Variants in ARHGAP12 observed in about 807,000 individuals in gnomAD.
The protein encoded by ARHGAP12 is Rho GTPase activating protein 12, also known as rho GTPase-activating protein 12.
A neutral mutation model predicts 108.6 loss-of-function variants in ARHGAP12; 64 were observed. The ratio of observed to expected loss-of-function variants is 0.59; its 90% CI spans 0.48 to 0.73. The LOEUF (loss-of-function observed/expected upper bound fraction) is 0.73. Among genes scored for constraint, ARHGAP12 ranks in the 30% least tolerant of loss-of-function variants. The pLI is 0.00. For missense variants in ARHGAP12, 940 were observed against 1,005.9 expected, an observed-to-expected ratio of 0.93 and a Z score of 0.89; for synonymous variants, 312 against 337.2, an observed-to-expected ratio of 0.93 and a Z score of 0.82.
At chr10:31,901,264 G>T (rs1371066095) in intron 3 of ARHGAP12, among the ~76,000 whole-genome samples, 1 of 151,474 alleles carries the variant, frequency 6.6e-6, no homozygotes, top group Admixed American at 6.6e-5. Context: ...GGACTCAGTG[G>T]TTCATGCCTG....
intron 11 of ARHGAP12, among the ~76,000 whole-genome samples, chr10:31,821,428 T>C (rs959741324): frequency 3.9e-5 from 6 of 152,174 alleles, no homozygotes; most frequent in African/African-American, 1.2e-4. Context: ...TATTGAAAAG[T>C]TTAAAGGTTT....
intron 10 of ARHGAP12, 74 bp downstream of exon 10, chr10:31,831,665 A>T: frequency 9.8e-7 from 1 of 1,024,306 alleles, no homozygotes; most frequent in Non-Finnish European, 1.4e-6. Flanking sequence ...TGTTTATACT[A>T]AAATAATTAT....
chr10:31,915,559 T>C (rs1839519972), intron 1 of ARHGAP12, among the ~76,000 whole-genome samples: 1 of 152,166 alleles, frequency 6.6e-6, no homozygotes, highest in Admixed American at 6.6e-5. Context: ...CAATATACTG[T>C]ATTCTTGAAA....
intron 3 of ARHGAP12, among the ~76,000 whole-genome samples, chr10:31,894,904 C>T (rs367625481): frequency 1.3e-5 from 2 of 152,222 alleles, no homozygotes; most frequent in East Asian, 3.9e-4. Flanking sequence ...AACAGAGATA[C>T]AGACCAATGG....
chr10:31,822,041 G>A (rs1835435954), intron 11 of ARHGAP12, among the ~76,000 whole-genome samples: 1 of 151,152 alleles, frequency 6.6e-6, no homozygotes, highest in South Asian at 2.1e-4. Flanking sequence ...ATAAGATATA[G>A]CAATTAAATA....
chr10:31,826,711 C>T (rs1592259166), intron 10 of ARHGAP12: 1 of 209,420 alleles, frequency 4.8e-6, no homozygotes, highest in Non-Finnish European at 9.4e-6. Flanking sequence ...TAAAGTCACA[C>T]AAGTGGAATA....
intron 11 of ARHGAP12, among the ~76,000 whole-genome samples, chr10:31,823,590 A>G (rs1239080902): frequency 6.6e-6 from 1 of 152,064 alleles, no homozygotes; most frequent in Non-Finnish European, 1.5e-5. Flanking sequence ...TGGAGTGAGT[A>G]GAAGATTTGA....
intron 3 of ARHGAP12, among the ~76,000 whole-genome samples, chr10:31,874,698 G>C (rs1837659180): frequency 6.6e-6 from 1 of 152,004 alleles, no homozygotes; most frequent in African/African-American, 2.4e-5. Context: ...TTCAGTCCAG[G>C]TGCAGTGGCT....
chr10:31,910,084 G>C (rs570099660), intron 2 of ARHGAP12, among the ~76,000 whole-genome samples: 1 of 152,032 alleles, frequency 6.6e-6, no homozygotes, highest in Non-Finnish European at 1.5e-5. Context: ...GGAGCCTTCC[G>C]AGGGAGCACG....
At chr10:31,809,867 C>A (rs1564362945) in intron 16 of ARHGAP12, among the ~76,000 whole-genome samples, 1 of 151,546 alleles carries the variant, frequency 6.6e-6, no homozygotes, top group Non-Finnish European at 1.5e-5. Flanking sequence ...ACAATTAAGC[C>A]CCGAAATTTC....
intron 16 of ARHGAP12, 65 bp from the exon 17 acceptor site, chr10:31,809,372 G>T: frequency 7.2e-7 from 1 of 1,397,070 alleles, no homozygotes; most frequent in Non-Finnish European, 1.0e-6. Context: ...TTCTGAACAC[G>T]TTTGCATGTG....
chr10:31,838,651 G>A (rs11008671), intron 9 of ARHGAP12, among the ~76,000 whole-genome samples: 1,709 of 152,024 alleles, frequency 0.011, 17 homozygotes, highest in Non-Finnish European at 0.016. Context: ...TCAACATAGC[G>A]AAACCCCGTC....
chr10:31,843,873 G>A (rs1836356582), intron 6 of ARHGAP12, among the ~76,000 whole-genome samples: 2 of 152,086 alleles, frequency 1.3e-5, no homozygotes, highest in African/African-American at 4.8e-5. Flanking sequence ...GGATATAACA[G>A]AAATATCTCA....
At chr10:31,920,327 G>A (rs750934510) in intron 1 of ARHGAP12, among the ~76,000 whole-genome samples, 2 of 150,366 alleles carry the variant, frequency 1.3e-5, no homozygotes, top group Non-Finnish European at 1.5e-5. Context: ...GTGGGTGCCT[G>A]TAATCCCAGC....
intron 3 of ARHGAP12, among the ~76,000 whole-genome samples, chr10:31,899,499 A>G (rs556375782): frequency 6.6e-6 from 1 of 152,350 alleles, no homozygotes; most frequent in South Asian, 2.1e-4. Flanking sequence ...ATAAAGCTAC[A>G]TTAATCCAGA....
rs550891723 is a variant in ARHGAP12, at chr10:31,920,024, T to C, written c.-111+8659A>G. Among the ~76,000 whole-genome samples the C allele has an allele frequency of 3.2e-4, 48 of 150,320 alleles. 1 individual carries two copies. In the South Asian group the frequency reaches 9.2e-3, roughly 29 times the overall value. On this transcript the variant is annotated intron_variant, in intron 1 of 19. Transcript: ENST00000344936. ...AGCTACTCAAGGCAGGAGAATCGCT[T>C]GAACCTGGGAGGCGGAGGTTGCAGT...
chr10:31,851,944 T>C (rs1202996762), intron 6 of ARHGAP12, among the ~76,000 whole-genome samples: 4 of 152,204 alleles, frequency 2.6e-5, no homozygotes, highest in Non-Finnish European at 5.9e-5. Context: ...CTTAAAATTA[T>C]CTCAAGCACC....
At chr10:31,911,424 C>T (rs532940733) in intron 1 of ARHGAP12, among the ~76,000 whole-genome samples, 1 of 152,180 alleles carries the variant, frequency 6.6e-6, no homozygotes, top group Non-Finnish European at 1.5e-5. Context: ...AAGCAATTTT[C>T]CCACTTCAGC....
chr10:31,835,518 A>T (rs1835984992), intron 9 of ARHGAP12, among the ~76,000 whole-genome samples: 1 of 152,224 alleles, frequency 6.6e-6, no homozygotes, highest in Admixed American at 6.5e-5. Flanking sequence ...AATAAACTTC[A>T]AATTCTACTA....
Sources: allele counts gnomAD v4.1 joint callset (sites outside exome capture counted in the v4.1 genomes callset), GRCh38; gene constraint gnomAD v4.1.1; transcripts MANE v1.5; gene names NCBI Gene and HGNC (gene_info 2026-07-23, HGNC 2026-07-21).